PRMT7: variants seen among roughly 807,000 people sequenced by gnomAD.
The protein encoded by PRMT7 is protein arginine methyltransferase 7.
A neutral mutation model predicts 85.4 loss-of-function variants in PRMT7; 75 were observed. The observed-to-expected ratio is 0.88, with a 90% confidence interval of 0.73 to 1.06. The LOEUF (loss-of-function observed/expected upper bound fraction) is 1.06, where lower values mean the gene tolerates loss of function less well. Ranked by LOEUF, PRMT7 falls within the 50% of genes least tolerant of loss-of-function variation. The pLI is 0.00. For synonymous variants in PRMT7, 397 were observed against 359.5 expected (o/e 1.10, Z -1.18); for missense variants, 868 against 915.2 (o/e 0.95, Z 0.67).
At chr16:68,338,271 A>G (rs1458791466) in intron 7 of PRMT7, among the ~76,000 whole-genome samples, 3 of 152,114 alleles carry the variant, frequency 2.0e-5, no homozygotes, top group Admixed American at 2.0e-4. Context: ...AGGTGGTCCC[A>G]GGAGTTGGTG....
At chr16:68,329,952 G>A (rs996436129) in intron 6 of PRMT7, among the ~76,000 whole-genome samples, 1 of 151,764 alleles carries the variant, frequency 6.6e-6, no homozygotes, top group African/African-American at 2.4e-5. Context: ...GCATTGCAGT[G>A]GTGCAATCTT....
intron 4 of PRMT7, chr16:68,322,542 G>T: frequency 1.4e-5 from 4 of 276,940 alleles, no homozygotes; most frequent in Non-Finnish European, 2.3e-5. Flanking sequence ...TCTAGTCTAG[G>T]GTTATGAACA....
At position 68,353,366 on chromosome 16, in the gene PRMT7, G is replaced by A. The variant is rs538955211; in HGVS notation, c.1576-126G>A. The A allele has an allele frequency of 3.9e-6, 6 of 1,525,992 alleles. No individual in the cohort carries two copies. In the African/African-American group the frequency reaches 8.4e-5, roughly 21 times the overall value. The allele number at this position is 1,525,992 out of a possible 1,614,324, so 94.5% of individuals were successfully genotyped here. A position where few individuals can be genotyped will look rare whatever the true frequency, so the allele number is the denominator to read the frequency against. On this transcript the variant is annotated intron_variant, in intron 15 of 18. Coordinates refer to ENST00000441236, the MANE Select transcript of PRMT7 (RefSeq NM_019023.5). Reference sequence around the variant, plus strand: ...CGTTGTGGATCTTTGTTCTCTCTGAGCCCCTTCATACTTGGGGGTCTCTTT... The same window carrying A: ...CGTTGTGGATCTTTGTTCTCTCTGAACCCCTTCATACTTGGGGGTCTCTTT...
At chr16:68,314,600 T>A (rs2044433525) in intron 2 of PRMT7, among the ~76,000 whole-genome samples, 1 of 152,206 alleles carries the variant, frequency 6.6e-6, no homozygotes, top group Non-Finnish European at 1.5e-5. Context: ...GAAAAAAAAC[T>A]CTGGCCAATA....
At chr16:68,345,909 A>G (rs908308413) in intron 10 of PRMT7, 107 bp downstream of exon 10, 10 of 1,496,094 alleles carry the variant, frequency 6.7e-6, no homozygotes, top group African/African-American at 1.4e-5. Context: ...GTGTCTGGAC[A>G]GAATAACATA....
At chr16:68,329,271 C>A in intron 6 of PRMT7, 97 bp downstream of exon 6, 1 of 891,602 alleles carries the variant, frequency 1.1e-6, no homozygotes, top group Non-Finnish European at 1.8e-6. Flanking sequence ...CAGGTCATAG[C>A]ATAGAAGTGG....
At chr16:68,337,597 C>A in intron 7 of PRMT7, 26 bp downstream of exon 7, 1 of 1,524,678 alleles carries the variant, frequency 6.6e-7, no homozygotes, top group Non-Finnish European at 9.0e-7. Flanking sequence ...CTCCCTCAGA[C>A]GTGTCTGTGG....
In PRMT7 at chr16:68,329,141, A is replaced by G. The variant is rs779426166; in HGVS notation, c.358A>G (p.Asn120Asp). 9 of 1,608,198 alleles carry G rather than the reference A, an allele frequency of 5.6e-6. No homozygotes were observed. In the South Asian group the frequency reaches 9.9e-5, roughly 18 times the overall value. The change falls in exon 6 of 19, where the codon AAC (asparagine) becomes GAC (aspartate). Residue 120 changes from asparagine (N) to aspartate (D), a missense_variant. Transcript: ENST00000441236. ...CTTTAGTGATAAGATTAAGGTTATCAACAAGCATTCCACCGAGGTGACTGT... is the reference window on the plus strand; with the variant it reads ...CTTTAGTGATAAGATTAAGGTTATCGACAAGCATTCCACCGAGGTGACTGT... Reference protein sequence around the residue: ...NGFSDKIKVINKHSTEVTVGP... With the variant: ...NGFSDKIKVIDKHSTEVTVGP...
intron 3 of PRMT7, among the ~76,000 whole-genome samples, chr16:68,319,314 A>G (rs1402850252): frequency 6.6e-6 from 1 of 152,144 alleles, no homozygotes; most frequent in Non-Finnish European, 1.5e-5. Flanking sequence ...AAGAAGGGCA[A>G]GGGAGATAGC....
At chr16:68,312,218 TA>T (rs1051115090) in intron 2 of PRMT7, 42 bp downstream of exon 2, 1 of 41,338 alleles carries the variant, frequency 2.4e-5, no homozygotes, top group Non-Finnish European at 5.5e-5. Flanking sequence ...TATATATATA[TA>T]TATATATATA....
intron 6 of PRMT7, among the ~76,000 whole-genome samples, chr16:68,335,771 G>C (rs1272193298): frequency 2.0e-5 from 3 of 151,324 alleles, no homozygotes; most frequent in African/African-American, 7.3e-5. Flanking sequence ...TCTATCAGCT[G>C]CTCTCTTTCT....
rs1322548741 is a variant in PRMT7, at chr16:68,347,180, G to A, written c.1192-31G>A. ...GGAATCTTCTGGCAAACTGGAGGAAGCCCTGTGCTGAGCTTGCCTGTTCCC... is the reference window on the plus strand; with the variant it reads ...GGAATCTTCTGGCAAACTGGAGGAAACCCTGTGCTGAGCTTGCCTGTTCCC... On this transcript the variant is annotated intron_variant, in intron 11 of 18. Coordinates refer to ENST00000441236, the MANE Select transcript of PRMT7 (RefSeq NM_019023.5). The A allele has an allele frequency of 3.2e-6, 5 of 1,545,450 alleles. No homozygotes were observed. The South Asian group carries it at 4.8e-5, about 15-fold the overall frequency.
chr16:68,343,146 G>A (rs184618341), intron 9 of PRMT7, among the ~76,000 whole-genome samples: 1 of 152,180 alleles, frequency 6.6e-6, no homozygotes, highest in East Asian at 1.9e-4. Flanking sequence ...GGAGGTTGCA[G>A]TAAGCTGAGA....
chr16:68,313,813 G>A (rs2044301443), intron 2 of PRMT7, among the ~76,000 whole-genome samples: 2 of 152,218 alleles, frequency 1.3e-5, no homozygotes, highest in African/African-American at 4.8e-5. Context: ...GTGCATGCCG[G>A]TAGTCTAGCT....
chr16:68,357,133 G>T lies in PRMT7; in HGVS notation c.1988G>T (p.Gly663Val), dbSNP rs759505064. The change falls in exon 19 of 19, where the codon GGT becomes GTT. Residue 663 changes from glycine (G) to valine (V), a missense_variant. Transcript: ENST00000441236. Reference sequence around the variant, plus strand: ...GCCCCAGATCCCAGAGCACTGCTGGGTGGCCCACGGACTGTCAGCTATGCA... The same window carrying T: ...GCCCCAGATCCCAGAGCACTGCTGGTTGGCCCACGGACTGTCAGCTATGCA... ...SPAPDPRALL[G>V]GPRTVSYAVE... The T allele has an allele frequency of 3.6e-5, 58 of 1,613,994 alleles. No homozygotes were observed. The highest frequency in any genetic ancestry group is 4.9e-5 in the Non-Finnish European group (58 of 1,180,028).
intron 17 of PRMT7, among the ~76,000 whole-genome samples, chr16:68,356,280 C>T (rs897546785): frequency 6.6e-6 from 1 of 152,228 alleles, no homozygotes; most frequent in Non-Finnish European, 1.5e-5. Flanking sequence ...CGGCCCTCAC[C>T]CCACCCTCGC....
chr16:68,327,944 G>A (rs1364211431), intron 5 of PRMT7, among the ~76,000 whole-genome samples: 3 of 149,948 alleles, frequency 2.0e-5, no homozygotes, highest in African/African-American at 7.4e-5. Context: ...AAAAAAAAAA[G>A]AAAAATTAAA....
At chr16:68,313,483 A>G (rs1454132380) in intron 2 of PRMT7, among the ~76,000 whole-genome samples, 2 of 152,172 alleles carry the variant, frequency 1.3e-5, no homozygotes, top group East Asian at 1.9e-4. Context: ...TATAATGTGC[A>G]TGATTGTCTA....
At chr16:68,349,212 T>C (rs2086890278) in intron 14 of PRMT7, among the ~76,000 whole-genome samples, 1 of 152,054 alleles carries the variant, frequency 6.6e-6, no homozygotes, top group Non-Finnish European at 1.5e-5. Flanking sequence ...GGGAGGTCGC[T>C]TTCCCCTCAC....
Sources: gnomAD v4.1 joint callset for allele counts (sites outside exome capture counted in the v4.1 genomes callset) on GRCh38, gnomAD v4.1.1 for gene constraint, MANE v1.5 for transcripts, NCBI Gene and HGNC (gene_info 2026-07-23, HGNC 2026-07-21) for gene names.